NRXN3: variants seen among roughly 807,000 people sequenced by gnomAD.
The protein encoded by NRXN3 is neurexin III.
In NRXN3, 32 loss-of-function variants were observed where a neutral mutation model predicts 137.6. The observed-to-expected ratio is 0.23, with a 90% CI of 0.18 to 0.31. NRXN3 has a LOEUF of 0.31. Among genes scored for constraint, NRXN3 ranks in the 10% least tolerant of loss-of-function variants. The pLI is 1.00. For synonymous variants in NRXN3, 798 were observed against 784.5 expected (o/e 1.02, Z -0.29); for missense variants, 1,574 against 2,062.5 (o/e 0.76, Z 4.59).
chr14:79,350,631 T>C (rs2153388584), intron 15 of NRXN3, among the ~76,000 whole-genome samples: 1 of 152,304 alleles, frequency 6.6e-6, no homozygotes, highest in South Asian at 2.1e-4. Flanking sequence ...CATAGGTTTT[T>C]TTTAGTGATG....
intron 15 of NRXN3, among the ~76,000 whole-genome samples, chr14:79,276,942 A>G (rs1249585626): frequency 6.6e-6 from 1 of 152,218 alleles, no homozygotes; most frequent in Non-Finnish European, 1.5e-5. Context: ...ACACACACAG[A>G]AAACAGGAGA....
chr14:79,686,007 T>G (rs541065061), intron 17 of NRXN3, among the ~76,000 whole-genome samples: 1 of 152,208 alleles, frequency 6.6e-6, no homozygotes, highest in Admixed American at 6.5e-5. Flanking sequence ...TATTTGGACA[T>G]GATAGGCCAG....
intron 15 of NRXN3, among the ~76,000 whole-genome samples, chr14:79,370,969 AC>A (rs1168821541): frequency 6.6e-6 from 1 of 152,160 alleles, no homozygotes; most frequent in Non-Finnish European, 1.5e-5. Flanking sequence ...GACTATGAAA[AC>A]CTAAATATCA....
intron 15 of NRXN3, among the ~76,000 whole-genome samples, chr14:79,376,342 A>G (rs909350358): frequency 6.7e-6 from 1 of 150,038 alleles, no homozygotes; most frequent in Non-Finnish European, 1.5e-5. Flanking sequence ...TCCCCAATGT[A>G]TATATCATGT....
At chr14:79,427,984 C>CGT (rs928417303) in intron 15 of NRXN3, among the ~76,000 whole-genome samples, 1 of 151,798 alleles carries the variant, frequency 6.6e-6, no homozygotes, top group Non-Finnish European at 1.5e-5. Flanking sequence ...ACGTTCTGCA[C>CGT]GTGTGTGTGT....
chr14:79,750,080 C>T (rs747963059), intron 19 of NRXN3, among the ~76,000 whole-genome samples: 8 of 152,016 alleles, frequency 5.3e-5, no homozygotes, highest in Non-Finnish European at 1.0e-4. Context: ...CTGAAGAAGT[C>T]CTAGCCCTTA....
intron 4 of NRXN3, among the ~76,000 whole-genome samples, chr14:78,298,965 G>A (rs1290351127): frequency 6.6e-6 from 1 of 152,158 alleles, no homozygotes; most frequent in Non-Finnish European, 1.5e-5. Flanking sequence ...GGAACTGCCC[G>A]AGGCTGGAAG....
chr14:79,294,251 A>G (rs1270208395), intron 15 of NRXN3, among the ~76,000 whole-genome samples: 1 of 152,212 alleles, frequency 6.6e-6, no homozygotes, highest in African/African-American at 2.4e-5. Context: ...ATTTTAAATC[A>G]ATGACTTGGT....
chr14:79,024,166 G>A (rs1329662975), intron 15 of NRXN3, among the ~76,000 whole-genome samples: 4 of 151,954 alleles, frequency 2.6e-5, no homozygotes, highest in African/African-American at 4.8e-5. Flanking sequence ...TCAAGAAAAT[G>A]ACTTGCCATC....
intron 14 of NRXN3, among the ~76,000 whole-genome samples, chr14:78,987,079 C>T: frequency 6.7e-6 from 1 of 148,152 alleles, no homozygotes; most frequent in Admixed American, 6.8e-5. Context: ...CAGCAGTGTG[C>T]TGTAGTGCAA....
intron 18 of NRXN3, among the ~76,000 whole-genome samples, chr14:79,695,170 G>A (rs1294627495): frequency 6.6e-6 from 1 of 151,652 alleles, no homozygotes; most frequent in Non-Finnish European, 1.5e-5. Context: ...CTGGAATGAA[G>A]GAGACTCATC....
intron 16 of NRXN3, among the ~76,000 whole-genome samples, chr14:79,634,945 C>T (rs1482916745): frequency 6.6e-6 from 1 of 152,152 alleles, no homozygotes; most frequent in East Asian, 1.9e-4. Context: ...TGGTTTATTT[C>T]ATTTAACATA....
At chr14:79,199,630 C>A (rs2065660232) in intron 15 of NRXN3, among the ~76,000 whole-genome samples, 1 of 152,082 alleles carries the variant, frequency 6.6e-6, no homozygotes, top group Admixed American at 6.6e-5. Context: ...AAGAGCAAAT[C>A]AACTGATAGA....
chr14:79,150,046 T>A (rs1045898525), intron 15 of NRXN3, among the ~76,000 whole-genome samples: 1 of 152,182 alleles, frequency 6.6e-6, no homozygotes, highest in Admixed American at 6.5e-5. Context: ...TGTTTTTTTT[T>A]AAGCAAAAGT....
chr14:79,816,931 G>A (rs1458210000), intron 20 of NRXN3, among the ~76,000 whole-genome samples: 1 of 152,132 alleles, frequency 6.6e-6, no homozygotes, highest in Non-Finnish European at 1.5e-5. Flanking sequence ...AGTTTGAGAG[G>A]CCTGGGAATT....
At chr14:78,418,313 T>C (rs550319066) in intron 4 of NRXN3, among the ~76,000 whole-genome samples, 38 of 152,298 alleles carry the variant, frequency 2.5e-4, no homozygotes, top group African/African-American at 9.1e-4. Flanking sequence ...TCATTTATGT[T>C]GGTGGATTTG....
chr14:78,621,543 GTTTTC>G (rs1449139182), intron 4 of NRXN3, among the ~76,000 whole-genome samples: 1 of 152,086 alleles, frequency 6.6e-6, no homozygotes, highest in Non-Finnish European at 1.5e-5. Flanking sequence ...TAACAGAGTG[GTTTTC>G]TTTTCTTTAC....
chr14:79,041,106 C>A (rs1341527891), intron 15 of NRXN3, among the ~76,000 whole-genome samples: 1 of 152,104 alleles, frequency 6.6e-6, no homozygotes, highest in African/African-American at 2.4e-5. Context: ...GAGTTCAAAT[C>A]CTGATTTTTC....
intron 15 of NRXN3, among the ~76,000 whole-genome samples, chr14:79,053,436 T>G (rs1189023812): frequency 6.6e-6 from 1 of 152,210 alleles, no homozygotes; most frequent in Non-Finnish European, 1.5e-5. Flanking sequence ...CTCTTGCTTT[T>G]AGCCATGATA....
Sources: allele counts gnomAD v4.1 joint callset (sites outside exome capture counted in the v4.1 genomes callset), GRCh38; gene constraint gnomAD v4.1.1; transcripts MANE v1.5; gene names NCBI Gene and HGNC (gene_info 2026-07-23, HGNC 2026-07-21).